The following FHIT variants were observed in gnomAD, a reference collection of about 807,000 sequenced individuals.
FHIT encodes bis(5'-adenosyl)-triphosphatase.
In FHIT, 19 loss-of-function variants were observed where a neutral mutation model predicts 17.9. The ratio of observed to expected loss-of-function variants is 1.06; its 90% CI spans 0.74 to 1.56. The LOEUF is 1.56. FHIT is among the 40% of genes most tolerant of loss of function. The pLI, the probability that FHIT is intolerant of heterozygous loss-of-function variation, is 0.00. For missense variants in FHIT, 248 were observed against 189.2 expected (o/e 1.31, Z -1.82); for synonymous variants, 81 against 69.7 (o/e 1.16, Z -0.81).
At chr3:60,754,936 C>T (rs975495088) in intron 4 of FHIT, among the ~76,000 whole-genome samples, 2 of 152,094 alleles carry the variant, frequency 1.3e-5, no homozygotes, top group Non-Finnish European at 2.9e-5. Context: ...TGCAAGGTTG[C>T]AAGAGAGTAA....
At chr3:60,739,612 A>G (rs115471163) in intron 4 of FHIT, among the ~76,000 whole-genome samples, 1,781 of 152,272 alleles carry the variant, frequency 0.012, 35 homozygotes, top group African/African-American at 0.041. Flanking sequence ...CAGGATGTTC[A>G]TCCCTGGCCT....
In FHIT at chr3:60,756,692, T is replaced by C. The variant is rs77957944; in HGVS notation, c.-18+65227A>G. Among the ~76,000 whole-genome samples the C allele has an allele frequency of 6.9e-3, 1,047 of 152,336 alleles. 12 individuals are homozygous for C. Among genetic ancestry groups the C allele is most frequent in the African/African-American group, 0.024 (1,000 of 41,578 alleles). On this transcript the variant is annotated intron_variant, in intron 4 of 9. Coordinates refer to ENST00000492590, the MANE Select transcript of FHIT (RefSeq NM_002012.4). Reference sequence around the variant, plus strand: ...GAAAGAGAAGATCTATGTTATCACCTGTGATCCTAAAACAACTCTAGGAAT... The same window carrying C: ...GAAAGAGAAGATCTATGTTATCACCCGTGATCCTAAAACAACTCTAGGAAT...
chr3:60,026,514 A>C (rs1289469219), intron 5 of FHIT, among the ~76,000 whole-genome samples: 1 of 152,096 alleles, frequency 6.6e-6, no homozygotes, highest in Non-Finnish European at 1.5e-5. Context: ...CCATTTTCTC[A>C]TTTGATCTCT....
intron 5 of FHIT, among the ~76,000 whole-genome samples, chr3:60,278,733 T>C (rs1391218288): frequency 1.3e-5 from 2 of 151,928 alleles, no homozygotes; most frequent in Admixed American, 6.6e-5. Context: ...AAAAAAAAAT[T>C]CTTAGTTCCC....
At chr3:60,429,295 T>TA (rs551760655) in intron 5 of FHIT, among the ~76,000 whole-genome samples, 3 of 151,506 alleles carry the variant, frequency 2.0e-5, no homozygotes, top group African/African-American at 4.8e-5. Flanking sequence ...AGTAATGAAA[T>TA]AAAAAAAAGT....
intron 4 of FHIT, among the ~76,000 whole-genome samples, chr3:60,579,499 C>T (rs149407033): frequency 6.3e-4 from 96 of 152,046 alleles, no homozygotes; most frequent in African/African-American, 2.3e-3. Context: ...TAGTTAGTGC[C>T]CTGGCAAGTT....
At chr3:60,231,587 G>A (rs17062557) in intron 5 of FHIT, among the ~76,000 whole-genome samples, 22,823 of 152,062 alleles carry the variant, frequency 0.15, 1,869 homozygotes, top group Admixed American at 0.21. Context: ...ACAGATCTTC[G>A]CCACAAGGCA....
chr3:61,216,609 A>G (rs377578330), intron 1 of FHIT, among the ~76,000 whole-genome samples: 3 of 152,218 alleles, frequency 2.0e-5, no homozygotes, highest in Admixed American at 6.5e-5. Flanking sequence ...ATCTAGAACT[A>G]GAAATACCAT....
intron 4 of FHIT, among the ~76,000 whole-genome samples, chr3:60,768,879 T>A (rs1699942971): frequency 6.6e-6 from 1 of 152,234 alleles, no homozygotes; most frequent in Admixed American, 6.5e-5. Flanking sequence ...ATACCCTGAC[T>A]GGACCCTCCA....
At chr3:60,056,821 T>C (rs1702102797) in intron 5 of FHIT, among the ~76,000 whole-genome samples, 1 of 152,152 alleles carries the variant, frequency 6.6e-6, no homozygotes, top group South Asian at 2.1e-4. Context: ...AGATAAGGTG[T>C]TTTCAGCAGA....
intron 4 of FHIT, among the ~76,000 whole-genome samples, chr3:60,725,394 T>C (rs2107973709): frequency 6.6e-6 from 1 of 152,310 alleles, no homozygotes; most frequent in African/African-American, 2.4e-5. Context: ...ATCCCTATGG[T>C]TTTGTCTAAT....
intron 4 of FHIT, among the ~76,000 whole-genome samples, chr3:60,800,193 A>C (rs961822191): frequency 1.9e-4 from 29 of 152,184 alleles, no homozygotes; most frequent in African/African-American, 6.3e-4. Flanking sequence ...TCAAATATTT[A>C]TTTCTTTCAC....
chr3:60,901,727 T>A (rs1706124440), intron 3 of FHIT, among the ~76,000 whole-genome samples: 1 of 152,154 alleles, frequency 6.6e-6, no homozygotes, highest in African/African-American at 2.4e-5. Context: ...AGGTACTTTT[T>A]TTTTCTAGAG....
intron 5 of FHIT, among the ~76,000 whole-genome samples, chr3:60,433,269 T>TG (rs774788156): frequency 4.1e-4 from 62 of 152,194 alleles, no homozygotes; most frequent in Non-Finnish European, 6.0e-4. Flanking sequence ...TATATATATA[T>TG]GTGGGGGGTG....
At chr3:60,222,680 C>G (rs1021506126) in intron 5 of FHIT, among the ~76,000 whole-genome samples, 1 of 152,072 alleles carries the variant, frequency 6.6e-6, no homozygotes, top group Non-Finnish European at 1.5e-5. Context: ...CATTTCCTAC[C>G]ACCTTTAAAT....
intron 5 of FHIT, among the ~76,000 whole-genome samples, chr3:60,332,719 G>A (rs948800545): frequency 6.6e-6 from 1 of 152,118 alleles, no homozygotes; most frequent in Non-Finnish European, 1.5e-5. Flanking sequence ...TATATAACCA[G>A]CTTCTACTCT....
In FHIT at chr3:59,986,740, ATATATTTATATAT is replaced by A. The variant is rs1708965883; in HGVS notation, c.279+24618_279+24630del. ...TACATATATTTATATAAATATATAC[ATATATTTATATAT>A]ATATAAATATATTTATATAAATATA... On this transcript the variant is annotated intron_variant, in intron 7 of 9. Transcript: ENST00000492590. 6.7e-4 allele frequency among the ~76,000 whole-genome samples: 4 copies of A among 5,950 alleles called. 1 individual carries two copies. Among genetic ancestry groups the A allele is most frequent in the Non-Finnish European group, 9.6e-4 (3 of 3,114 alleles). The allele number at this position is 5,950 out of a possible 152,430, so 3.9% of individuals were successfully genotyped here. A position where few individuals can be genotyped will look rare whatever the true frequency, so the allele number is the denominator to read the frequency against.
intron 5 of FHIT, among the ~76,000 whole-genome samples, chr3:60,235,081 T>C (rs1704699870): frequency 6.6e-6 from 1 of 152,054 alleles, no homozygotes. Flanking sequence ...AAAAATCACA[T>C]CCAAACTCAA....
intron 4 of FHIT, among the ~76,000 whole-genome samples, chr3:60,569,947 T>C (rs948271024): frequency 9.2e-5 from 14 of 151,668 alleles, no homozygotes; most frequent in African/African-American, 3.4e-4. Flanking sequence ...AATGATACAA[T>C]TCAATGGTTT....
Sources: gnomAD v4.1 joint callset for allele counts (sites outside exome capture counted in the v4.1 genomes callset) on GRCh38, gnomAD v4.1.1 for gene constraint, MANE v1.5 for transcripts, NCBI Gene and HGNC (gene_info 2026-07-23, HGNC 2026-07-21) for gene names.